The following AJM1 variants were observed in gnomAD, a reference collection of about 807,000 sequenced individuals.
AJM1 encodes uncharacterized protein C9orf172.
AJM1 carries 22 observed loss-of-function variants against 43.0 expected under a neutral mutation model. That is an observed-to-expected ratio of 0.51 (90% CI 0.37 to 0.73). AJM1 has a LOEUF of 0.73. AJM1 is among the 30% of genes least tolerant of loss of function. The pLI is 0.00. For synonymous variants in AJM1, 719 were observed against 638.3 expected (o/e 1.13, Z -1.91); for missense variants, 1,305 against 1,343.3 (o/e 0.97, Z 0.45).
rs777136664 is a variant in AJM1 at position 136,847,266 on chromosome 9, T to C, written c.2852T>C (p.Met951Thr). The C allele has an allele frequency of 2.5e-6, 4 of 1,593,730 alleles. No individual in the cohort carries two copies. The highest frequency in any genetic ancestry group is 3.4e-6 in the Non-Finnish European group (4 of 1,174,216). Residue 951 changes from methionine (M) to threonine (T), a missense_variant, in exon 3 of 3, where the codon ATG becomes ACG. Around this residue, in one of 6 missense-constraint regions of AJM1, gnomAD observed 116 missense variants for 113.4 expected, o/e 1.02. Coordinates refer to ENST00000436881, the MANE Select transcript of AJM1 (RefSeq NM_001080482.5). ...PTDRRTGRPFMCMIMAASEPR... is the reference protein window; with the variant it reads ...PTDRRTGRPFTCMIMAASEPR... ...GACCGGCGCACCGGCCGCCCCTTCA[T>C]GTGCATGATCATGGCCGCCTCCGAG...
At position 136,846,207 on chromosome 9, in the gene AJM1, C is replaced by CCTCAGAGCCCGCGGCCAGT; in HGVS notation, c.1809_1810insAGTCTCAGAGCCCGCGGCC (p.Asp604SerfsTer187). ...GACTCGCGACCCACCGCCGGCCAGG[C>CCTCAGAGCCCGCGGCCAGT]CTCAGAGCCCGCGGCCGACTGCCTG... is the stretch of plus-strand genomic sequence containing the variant. On this transcript the variant is annotated frameshift_variant, in exon 3 of 3. Coordinates refer to ENST00000436881, the MANE Select transcript of AJM1 (RefSeq NM_001080482.5). LOFTEE classifies it high-confidence loss of function. 6.7e-7 allele frequency: 1 copy of CCTCAGAGCCCGCGGCCAGT among 1,497,886 alleles called. No individual in the cohort carries two copies. The highest frequency in any genetic ancestry group is 8.8e-7 in the Non-Finnish European group (1 of 1,131,604). 92.8% of individuals were successfully genotyped at this position (1,497,886 alleles called of 1,614,324 possible). A position where few individuals can be genotyped will look rare whatever the true frequency, so the allele number is the denominator to read the frequency against.
Position 136,847,352 on chromosome 9 carries a change from G to A in AJM1, c.*7G>A, listed in dbSNP as rs1243283249. 5 of 1,502,112 alleles carry A rather than the reference G, an allele frequency of 3.3e-6. No individual in the cohort carries two copies. In the African/African-American group the frequency reaches 4.3e-5, roughly 13 times the overall value. 93.0% of individuals were successfully genotyped at this position (1,502,112 alleles called of 1,614,324 possible). Reference sequence around the variant, plus strand: ...GCTGGACGACATCATGTGAGGCGCCGGGCCCACCAGGCCTAGCCCAGGCGC... The same window carrying A: ...GCTGGACGACATCATGTGAGGCGCCAGGCCCACCAGGCCTAGCCCAGGCGC... On this transcript the variant is annotated 3_prime_UTR_variant, in exon 3 of 3. Transcript: ENST00000436881.
In AJM1 at chr9:136,845,130, C is replaced by G; in HGVS notation, c.716C>G (p.Pro239Arg). 2 of 1,549,830 alleles carry G rather than the reference C, an allele frequency of 1.3e-6. No homozygotes were observed. The highest frequency in any genetic ancestry group is 2.2e-5 in the South Asian group (2 of 89,350). ...GPRHMALSRT[P>R]TPSDSYCADP... ...CGCCACATGGCGCTGTCGCGCACCC[C>G]GACGCCCAGCGACTCATACTGTGCG... is the stretch of plus-strand genomic sequence containing the variant. Residue 239 changes from proline to arginine, a missense_variant, in exon 3 of 3, where the codon CCG becomes CGG. Pro to Arg is a moderately radical substitution (Grantham distance 103, BLOSUM62 -2). This residue lies in a region of AJM1 where 653 missense variants were observed against 549.1 expected (regional missense o/e 1.19). Coordinates refer to ENST00000436881, the MANE Select transcript of AJM1 (RefSeq NM_001080482.5).
In AJM1 at chr9:136,847,160, G is replaced by T; in HGVS notation, c.2746G>T (p.Glu916Ter). 1 of 1,601,318 alleles carries T rather than the reference G, an allele frequency of 6.2e-7. No individual in the cohort carries two copies. ...LRLRGVFLRH[E>*]FPRVYEQLCE... ...GCTGCGCGGCGTCTTCCTGCGCCAC[G>T]AGTTCCCGCGCGTCTACGAGCAGCT... is the stretch of plus-strand genomic sequence containing the variant. The change falls in exon 3 of 3, where the codon GAG becomes TAG. Residue 916 changes from glutamate (E) to a stop codon, truncating the protein, a stop_gained. Coordinates refer to ENST00000436881, the MANE Select transcript of AJM1 (RefSeq NM_001080482.5). LOFTEE classifies it high-confidence loss of function.
intron 1 of AJM1, among the ~76,000 whole-genome samples, chr9:136,843,297 C>A (rs1848727896): frequency 6.6e-6 from 1 of 152,226 alleles, no homozygotes; most frequent in African/African-American, 2.4e-5. Flanking sequence ...GCTCTGGGAT[C>A]ACAGAGGGGT....
chr9:136,846,922 G>C lies in AJM1; in HGVS notation c.2508G>C (p.Ala836=). 6.9e-7 allele frequency: 1 copy of C among 1,439,594 alleles called. No homozygotes were observed. Among genetic ancestry groups the C allele is most frequent in the East Asian group, 2.8e-5 (1 of 35,330 alleles). The allele number at this position is 1,439,594 out of a possible 1,614,324, so 89.2% of individuals were successfully genotyped here. A position where few individuals can be genotyped will look rare whatever the true frequency, so the allele number is the denominator to read the frequency against. The change falls in exon 3 of 3, where the codon GCG becomes GCC. Residue 836 remains alanine (A), a synonymous_variant. Transcript: ENST00000436881. Reference sequence around the variant, plus strand: ...GGACACCGGCCCTGCCCGCGCCCGCGCCACGCAGCCACGGGCCAACAGTGC... The same window carrying C: ...GGACACCGGCCCTGCCCGCGCCCGCCCCACGCAGCCACGGGCCAACAGTGC... ...PPGTPALPAP[A]PRSHGPTVRK...
chr9:136,845,740 C>T lies in AJM1; in HGVS notation c.1326C>T (p.Ser442=), dbSNP rs1848764668. 2.5e-6 allele frequency: 4 copies of T among 1,576,550 alleles called. No homozygotes were observed. The highest frequency in any genetic ancestry group is 2.3e-5 in the South Asian group (2 of 88,022). Residue 442 remains serine, a synonymous_variant, in exon 3 of 3, where the codon AGC becomes AGT. Coordinates refer to ENST00000436881, the MANE Select transcript of AJM1 (RefSeq NM_001080482.5). ...GTSPPRLATD[S]RHYSRSWDNI... ...GTCCGCCCCGGCTGGCCACCGACAG[C>T]CGCCACTACTCGCGCTCCTGGGACA...
rs779957428 is a variant in AJM1 at position 136,845,889 on chromosome 9, T to A, written c.1475T>A (p.Val492Asp). 3.9e-6 allele frequency: 6 copies of A among 1,558,074 alleles called. No homozygotes were observed. The highest frequency in any genetic ancestry group is 5.2e-6 in the Non-Finnish European group (6 of 1,152,696). The stretch of plus-strand genomic sequence containing the variant: ...TCCCCCGAAGGCCGGCGCCCGCCCG[T>A]CGTCGTGAACCTGTCCACCTCTCCC... ...GVSPEGRRPP[V>D]VVNLSTSPRR... is the part of the protein sequence containing the mutation. Residue 492 changes from valine (V) to aspartate (D), a missense_variant, in exon 3 of 3, where the codon GTC becomes GAC. This residue lies in a region of AJM1 where 653 missense variants were observed against 549.1 expected (regional missense o/e 1.19). Coordinates refer to ENST00000436881, the MANE Select transcript of AJM1 (RefSeq NM_001080482.5).
At position 136,844,587 on chromosome 9, in the gene AJM1, C is replaced by G. The variant is rs372546050; in HGVS notation, c.173C>G (p.Ala58Gly). Residue 58 changes from alanine to glycine, a missense_variant, in exon 3 of 3, where the codon GCG (alanine) becomes GGG (glycine). Ala to Gly is a moderately conservative substitution (Grantham distance 60). This residue lies in a region of AJM1 where 128 missense variants were observed against 120.6 expected (regional missense o/e 1.06). Coordinates refer to ENST00000436881, the MANE Select transcript of AJM1 (RefSeq NM_001080482.5). ...RHCRSFDFLE[A>G]LDGPAMETLP... The stretch of plus-strand genomic sequence containing the variant: ...TGCCGCAGCTTCGACTTCCTGGAGG[C>G]GCTGGACGGGCCGGCCATGGAGACC... The G allele has an allele frequency of 1.3e-6, 2 of 1,590,418 alleles. No individual in the cohort carries two copies. The highest frequency in any genetic ancestry group is 1.7e-6 in the Non-Finnish European group (2 of 1,170,278).
At position 136,845,436 on chromosome 9, in the gene AJM1, C is replaced by A. The variant is rs1164640387; in HGVS notation, c.1022C>A (p.Ser341Tyr). ...ACCTTCCCAATCCAGGAACCGCCCT[C>A]CCGCTCCTACTATGGGGAGGCTCCA... ...VRTFPIQEPPSRSYYGEAPRA... is the reference protein window; with the variant it reads ...VRTFPIQEPPYRSYYGEAPRA... Residue 341 changes from serine (S) to tyrosine (Y), a missense_variant, in exon 3 of 3, where the codon TCC becomes TAC. This residue lies in a region of AJM1 where 653 missense variants were observed against 549.1 expected (regional missense o/e 1.19). Coordinates refer to ENST00000436881, the MANE Select transcript of AJM1 (RefSeq NM_001080482.5). The A allele has an allele frequency of 6.2e-7, 1 of 1,611,980 alleles. No individual in the cohort carries two copies. Among genetic ancestry groups the A allele is most frequent in the Non-Finnish European group, 8.5e-7 (1 of 1,179,610 alleles).
chr9:136,845,694 G>C lies in AJM1; in HGVS notation c.1280G>C (p.Trp427Ser). 6.4e-7 allele frequency: 1 copy of C among 1,572,178 alleles called. No individual in the cohort carries two copies. The highest frequency in any genetic ancestry group is 8.6e-7 in the Non-Finnish European group (1 of 1,167,656). The change falls in exon 3 of 3, where the codon TGG (tryptophan) becomes TCG (serine). Residue 427 changes from tryptophan (W) to serine (S), a missense_variant. Around this residue, in one of 6 missense-constraint regions of AJM1, gnomAD observed 653 missense variants for 549.1 expected, o/e 1.19. Coordinates refer to ENST00000436881, the MANE Select transcript of AJM1 (RefSeq NM_001080482.5). Reference protein sequence around the residue: ...PSDPDPLLASWHGGTGTSPPR... With the variant: ...PSDPDPLLASSHGGTGTSPPR... Reference sequence around the variant, plus strand: ...GACCCCGACCCGTTGCTCGCCTCCTGGCACGGCGGCACCGGCACCAGTCCG... The same window carrying C: ...GACCCCGACCCGTTGCTCGCCTCCTCGCACGGCGGCACCGGCACCAGTCCG...
Position 136,848,683 on chromosome 9 carries a change from C to A in AJM1, c.*1338C>A. ...CACCCGCCGCCGCGCCCCGCGCCCC[C>A]TACCCCAGGGCCTCTGCATTCGGCC... On this transcript the variant is annotated 3_prime_UTR_variant, in exon 3 of 3. Coordinates refer to ENST00000436881, the MANE Select transcript of AJM1 (RefSeq NM_001080482.5). 1 of 152,660 alleles carries A rather than the reference C, an allele frequency of 6.6e-6. No homozygotes were observed. Among genetic ancestry groups the A allele is most frequent in the South Asian group, 1.9e-4 (1 of 5,336 alleles). 9.5% of individuals were successfully genotyped at this position (152,660 alleles called of 1,614,324 possible).
At position 136,846,876 on chromosome 9, in the gene AJM1, G is replaced by A; in HGVS notation, c.2462G>A (p.Gly821Glu). 1.3e-6 allele frequency: 2 copies of A among 1,547,466 alleles called. No homozygotes were observed. Among genetic ancestry groups the A allele is most frequent in the South Asian group, 2.4e-5 (2 of 84,720 alleles). ...CFLLSVSVAV[G>E]PGTAPPGTPA... ...CTGCTCAGCGTGTCCGTGGCCGTGG[G>A]ACCCGGCACCGCGCCACCGGGGACA... Residue 821 changes from glycine to glutamate, a missense_variant, in exon 3 of 3, where the codon GGA becomes GAA. Physicochemically the swap from Gly to Glu is moderately conservative, Grantham distance 98. Coordinates refer to ENST00000436881, the MANE Select transcript of AJM1 (RefSeq NM_001080482.5).
rs1848810260 is a variant in AJM1 at position 136,848,349 on chromosome 9, G to T, written c.*1004G>T. 6.6e-6 allele frequency: 1 copy of T among 152,356 alleles called. No individual in the cohort carries two copies. Among genetic ancestry groups the T allele is most frequent in the African/African-American group, 2.4e-5 (1 of 41,474 alleles). 9.4% of individuals were successfully genotyped at this position (152,356 alleles called of 1,614,324 possible). On this transcript the variant is annotated 3_prime_UTR_variant, in exon 3 of 3. Coordinates refer to ENST00000436881, the MANE Select transcript of AJM1 (RefSeq NM_001080482.5). ...GAGGGGGCTTGACCTGTCCCGAGAG[G>T]TCCCCGCACACCCGCTCTGGCCGCA...
rs1199244521 is a variant in AJM1 at position 136,846,492 on chromosome 9, A to T, written c.2078A>T (p.Tyr693Phe). 6.3e-7 allele frequency: 1 copy of T among 1,590,706 alleles called. No individual in the cohort carries two copies. Among genetic ancestry groups the T allele is most frequent in the South Asian group, 1.1e-5 (1 of 90,816 alleles). Residue 693 changes from tyrosine (Y) to phenylalanine (F), a missense_variant, in exon 3 of 3, where the codon TAC becomes TTC. Physicochemically the swap from Tyr to Phe is conservative, Grantham distance 22. This residue lies in a region of AJM1 where 391 missense variants were observed against 507.5 expected (regional missense o/e 0.77). Transcript: ENST00000436881. ...TCCTGCCACAGCTGCTACACCTACT[A>T]CTGCTCGCGCCTGTGCCGCCGCGAG... Reference protein sequence around the residue: ...FKSCHSCYTYYCSRLCRREDW... With the variant: ...FKSCHSCYTYFCSRLCRREDW...
Position 136,845,777 on chromosome 9 carries a change from C to T in AJM1, c.1363C>T (p.Pro455Ser), listed in dbSNP as rs1848765302. 7 of 1,574,820 alleles carry T rather than the reference C, an allele frequency of 4.4e-6. No individual in the cohort carries two copies. The highest frequency in any genetic ancestry group is 6.0e-6 in the Non-Finnish European group (7 of 1,167,834). Residue 455 changes from proline (P) to serine (S), a missense_variant, in exon 3 of 3, where the codon CCG becomes TCG. Transcript: ENST00000436881. ...GCGCTCCTGGGACAACATTCTGGCC[C>T]CGGGGCCGCGCCGAGAAGACCCGTT... is the stretch of plus-strand genomic sequence containing the variant. ...YSRSWDNILA[P>S]GPRREDPLGR...
Position 136,844,855 on chromosome 9 carries a change from TC to T in AJM1, c.444del (p.Ile149SerfsTer346). Reference protein sequence around the residue: ...ALRALANELHPIKLQPQRGGP... With the variant: ...ALRALANELHXIKLQPQRGGP... The stretch of plus-strand genomic sequence containing the variant: ...TCCGCGCCCTTGCCAACGAGCTGCA[TC>T]CCATCAAGTTGCAGCCGCAGCGGGG... On this transcript the variant is annotated frameshift_variant, in exon 3 of 3. Coordinates refer to ENST00000436881, the MANE Select transcript of AJM1 (RefSeq NM_001080482.5). LOFTEE classifies it low-confidence loss of function (END_TRUNC). The T allele has an allele frequency of 4.3e-6, 1 of 233,278 alleles. No individual in the cohort carries two copies. The highest frequency in any genetic ancestry group is 5.8e-5 in the South Asian group (1 of 17,356). The allele number at this position is 233,278 out of a possible 1,614,324, so 14.5% of individuals were successfully genotyped here. A position where few individuals can be genotyped will look rare whatever the true frequency, so the allele number is the denominator to read the frequency against.
At position 136,844,993 on chromosome 9, in the gene AJM1, C is replaced by G. The variant is rs1415128171; in HGVS notation, c.579C>G (p.Asp193Glu). 6.3e-6 allele frequency: 4 copies of G among 632,922 alleles called. No homozygotes were observed. Among genetic ancestry groups the G allele is most frequent in the Non-Finnish European group, 1.1e-5 (4 of 365,826 alleles). 39.2% of individuals were successfully genotyped at this position (632,922 alleles called of 1,614,324 possible). A position where few individuals can be genotyped will look rare whatever the true frequency, so the allele number is the denominator to read the frequency against. Residue 193 changes from aspartate to glutamate, a missense_variant, in exon 3 of 3, where the codon GAC becomes GAG. This residue lies in a region of AJM1 where 653 missense variants were observed against 549.1 expected (regional missense o/e 1.19). Coordinates refer to ENST00000436881, the MANE Select transcript of AJM1 (RefSeq NM_001080482.5). ...HVRCRLDIKP[D>E]DAVLQHATRG... ...GCTGCCGCCTGGACATCAAGCCAGA[C>G]GACGCAGTGCTCCAGCACGCCACCC...
In AJM1 at chr9:136,848,294, G is replaced by A. The variant is rs1848809458; in HGVS notation, c.*949G>A. On this transcript the variant is annotated 3_prime_UTR_variant, in exon 3 of 3. Transcript: ENST00000436881. Reference sequence around the variant, plus strand: ...GCGTGGTGCGAGCAGGTGAGGGAGAGAGCTAGTTGGTAAGCGTGGAAGCCC... The same window carrying A: ...GCGTGGTGCGAGCAGGTGAGGGAGAAAGCTAGTTGGTAAGCGTGGAAGCCC... 1 of 152,500 alleles carries A rather than the reference G, an allele frequency of 6.6e-6. No homozygotes were observed. Among genetic ancestry groups the A allele is most frequent in the African/African-American group, 2.4e-5 (1 of 41,468 alleles). 9.4% of individuals were successfully genotyped at this position (152,500 alleles called of 1,614,324 possible). A position where few individuals can be genotyped will look rare whatever the true frequency, so the allele number is the denominator to read the frequency against.
Sources: allele counts gnomAD v4.1 joint callset (sites outside exome capture counted in the v4.1 genomes callset), GRCh38; gene constraint gnomAD v4.1.1; regional missense constraint gnomAD v4.1.1; transcripts MANE v1.5; gene names NCBI Gene and HGNC (gene_info 2026-07-23, HGNC 2026-07-21).